Variants in ACACA observed in about 807,000 individuals in gnomAD.
ACACA encodes acetyl-CoA carboxylase 1.
A neutral mutation model predicts 296.1 loss-of-function variants in ACACA; 103 were observed. The observed-to-expected ratio is 0.35, with a 90% CI of 0.30 to 0.41. The LOEUF (loss-of-function observed/expected upper bound fraction) is 0.41, where lower values mean the gene tolerates loss of function less well. Ranked by LOEUF, ACACA falls within the 10% of genes least tolerant of loss-of-function variation. ACACA has a pLI of 1.00. For synonymous variants in ACACA, 953 were observed against 1,038.6 expected (o/e 0.92, Z 1.58); for missense variants, 1,554 against 2,989.7 (o/e 0.52, Z 11.20).
At chr17:37,308,218 T>A (rs894076538) in intron 3 of ACACA, among the ~76,000 whole-genome samples, 7 of 152,276 alleles carry the variant, frequency 4.6e-5, no homozygotes, top group African/African-American at 1.7e-4. Context: ...AAACAATTTA[T>A]GAGTCAAAAA....
At position 37,278,018 on chromosome 17, in the gene ACACA, G is replaced by A. The variant is rs1303386156; in HGVS notation, c.611-13C>T. 1.3e-6 allele frequency: 2 copies of A among 1,591,476 alleles called. No individual in the cohort carries two copies. Among genetic ancestry groups the A allele is most frequent in the South Asian group, 1.1e-5 (1 of 90,602 alleles). ...ATCTTAATGTATTCTGAAAATGCAA[G>A]CGAATTAATAGAGAACACATGATTT... On this transcript the variant is annotated splice_polypyrimidine_tract_variant and intron_variant, in intron 5 of 55. Transcript: ENST00000616317.
At chr17:37,402,849 T>C (rs763607017) in intron 1 of ACACA, among the ~76,000 whole-genome samples, 14 of 152,264 alleles carry the variant, frequency 9.2e-5, no homozygotes, top group Non-Finnish European at 1.5e-4. Flanking sequence ...ATTTTTTGTA[T>C]TTTTAGTTGA....
Position 37,258,468 on chromosome 17 carries a change from G to A in ACACA, c.1501-95C>T, listed in dbSNP as rs2081312332. The A allele has an allele frequency of 4.1e-6, 5 of 1,207,886 alleles. No homozygotes were observed. In the East Asian group the frequency reaches 1.2e-4, roughly 29 times the overall value. 74.8% of individuals were successfully genotyped at this position (1,207,886 alleles called of 1,614,324 possible). On this transcript the variant is annotated intron_variant, in intron 12 of 55. Transcript: ENST00000616317. ...AACCTAAAATATTTTTATTTTTGGA[G>A]CCACTCCCTAAAACATTCTATTTTT...
intron 3 of ACACA, among the ~76,000 whole-genome samples, chr17:37,310,286 G>A (rs2084069225): frequency 6.6e-6 from 1 of 152,058 alleles, no homozygotes; most frequent in Non-Finnish European, 1.5e-5. Context: ...AGTGGCTGGA[G>A]GTGCTATTTA....
At chr17:37,100,115 A>G (rs1418847311) in intron 52 of ACACA, among the ~76,000 whole-genome samples, 1 of 152,244 alleles carries the variant, frequency 6.6e-6, no homozygotes, top group Non-Finnish European at 1.5e-5. Flanking sequence ...CAGAAGAACA[A>G]TAAGTGTAGC....
intron 35 of ACACA, among the ~76,000 whole-genome samples, chr17:37,194,956 T>C (rs2077925771): frequency 6.7e-6 from 1 of 149,852 alleles, no homozygotes; most frequent in Admixed American, 6.7e-5. Flanking sequence ...GTTATGAGAG[T>C]GAAGCACATA....
At chr17:37,240,814 A>C (rs1383361926) in intron 23 of ACACA, among the ~76,000 whole-genome samples, 2 of 152,208 alleles carry the variant, frequency 1.3e-5, no homozygotes, top group Non-Finnish European at 2.9e-5. Context: ...ACCTTGATTC[A>C]GTTCCTACTG....
intron 41 of ACACA, among the ~76,000 whole-genome samples, chr17:37,174,429 C>T (rs1262345360): frequency 6.6e-6 from 1 of 152,140 alleles, no homozygotes; most frequent in East Asian, 1.9e-4. Context: ...AACCCTGACA[C>T]CTAGCGCCCA....
At chr17:37,148,137 T>C in intron 45 of ACACA, among the ~76,000 whole-genome samples, 1 of 151,576 alleles carries the variant, frequency 6.6e-6, no homozygotes, top group Non-Finnish European at 1.5e-5. Flanking sequence ...TTTAAAATCT[T>C]TCAAAAATTC....
At chr17:37,149,124 C>T (rs536295694) in intron 45 of ACACA, among the ~76,000 whole-genome samples, 2 of 150,024 alleles carry the variant, frequency 1.3e-5, no homozygotes, top group African/African-American at 4.8e-5. Flanking sequence ...CGAGCAGTGA[C>T]CTTGCCATCC....
intron 1 of ACACA, among the ~76,000 whole-genome samples, chr17:37,347,173 G>A (rs1220989974): frequency 1.3e-5 from 2 of 152,156 alleles, no homozygotes; most frequent in Non-Finnish European, 2.9e-5. Context: ...AGTCTCACGA[G>A]TTCTGATGGT....
chr17:37,209,098 A>G (rs1057404232), intron 30 of ACACA, among the ~76,000 whole-genome samples: 1 of 152,214 alleles, frequency 6.6e-6, no homozygotes, highest in African/African-American at 2.4e-5. Flanking sequence ...TGGAAAAGGT[A>G]CATCATCTTT....
intron 3 of ACACA, among the ~76,000 whole-genome samples, chr17:37,297,085 A>G (rs1168824270): frequency 6.6e-6 from 1 of 152,030 alleles, no homozygotes; most frequent in African/African-American, 2.4e-5. Flanking sequence ...AGAGATATAT[A>G]TGCACGTTTT....
At chr17:37,316,302 T>C (rs1031391974) in intron 3 of ACACA, among the ~76,000 whole-genome samples, 20 of 142,506 alleles carry the variant, frequency 1.4e-4, no homozygotes, top group African/African-American at 3.9e-4. Flanking sequence ...TACCCTTACA[T>C]ACACACACAC....
intron 3 of ACACA, among the ~76,000 whole-genome samples, chr17:37,315,823 G>T (rs1012025899): frequency 6.6e-6 from 1 of 152,130 alleles, no homozygotes; most frequent in African/African-American, 2.4e-5. Flanking sequence ...TGTTTACAAG[G>T]TTTTATGGAG....
At chr17:37,143,292 T>C (rs2075674817) in intron 45 of ACACA, among the ~76,000 whole-genome samples, 1 of 152,068 alleles carries the variant, frequency 6.6e-6, no homozygotes, top group South Asian at 2.1e-4. Flanking sequence ...ACTTTTTTTT[T>C]TTTTTTGCAA....
chr17:37,282,931 C>T (rs760033586), intron 5 of ACACA, among the ~76,000 whole-genome samples: 12 of 152,208 alleles, frequency 7.9e-5, no homozygotes, highest in Non-Finnish European at 1.6e-4. Flanking sequence ...AACAGCATTT[C>T]CTTCTAAATC....
At chr17:37,251,765 T>C (rs2081006688) in intron 16 of ACACA, among the ~76,000 whole-genome samples, 1 of 152,214 alleles carries the variant, frequency 6.6e-6, no homozygotes, top group Admixed American at 6.5e-5. Flanking sequence ...TTCCAGTTTT[T>C]AAAGAAGCAA....
chr17:37,257,341 G>C (rs1242827919), intron 14 of ACACA, among the ~76,000 whole-genome samples: 1 of 151,950 alleles, frequency 6.6e-6, no homozygotes, highest in Non-Finnish European at 1.5e-5. Context: ...TAAAATAAAA[G>C]TCTATGATTT....
Sources: gnomAD v4.1 joint callset for allele counts (sites outside exome capture counted in the v4.1 genomes callset) on GRCh38, gnomAD v4.1.1 for gene constraint, MANE v1.5 for transcripts, NCBI Gene and HGNC (gene_info 2026-07-23, HGNC 2026-07-21) for gene names.